RANBP17: variants seen among roughly 807,000 people sequenced by gnomAD.
The protein encoded by RANBP17 is RAN binding protein 17, also known as ran-binding protein 17.
Under a neutral mutation model 141.2 loss-of-function variants are expected in RANBP17, and 158 were observed. The observed-to-expected ratio is 1.12, with a 90% CI of 0.98 to 1.28. RANBP17 has a LOEUF of 1.28. Ranked by LOEUF, RANBP17 falls within the 50% of genes most tolerant of loss-of-function variation. RANBP17 has a pLI of 0.00. For synonymous variants in RANBP17, 430 were observed against 450.0 expected (o/e 0.96, Z 0.56); for missense variants, 1,438 against 1,290.7 (o/e 1.11, Z -1.75).
At chr5:170,889,387 G>C (rs1038528569) in intron 3 of RANBP17, among the ~76,000 whole-genome samples, 1 of 151,984 alleles carries the variant, frequency 6.6e-6, no homozygotes, top group African/African-American at 2.4e-5. Context: ...CTATCTACAA[G>C]TTTGGATTTA....
At chr5:170,867,925 G>A (rs2127309335) in intron 1 of RANBP17, among the ~76,000 whole-genome samples, 1 of 152,068 alleles carries the variant, frequency 6.6e-6, no homozygotes, top group African/African-American at 2.4e-5. Flanking sequence ...CCACTCCTCT[G>A]CTGTCTTCCC....
intron 14 of RANBP17, among the ~76,000 whole-genome samples, chr5:171,132,781 A>AACTCTTTT (rs1423149250): frequency 1.3e-5 from 2 of 152,128 alleles, no homozygotes; most frequent in African/African-American, 2.4e-5. Flanking sequence ...ACAGTTTTTC[A>AACTCTTTT]ACTCTTTTCG....
intron 14 of RANBP17, among the ~76,000 whole-genome samples, chr5:171,071,177 G>T (rs974569487): frequency 6.6e-6 from 1 of 151,980 alleles, no homozygotes; most frequent in Non-Finnish European, 1.5e-5. Flanking sequence ...CTTCTTTTGT[G>T]ATCTTTGCAA....
At chr5:171,239,377 C>G (rs1764727485) in intron 22 of RANBP17, among the ~76,000 whole-genome samples, 1 of 152,108 alleles carries the variant, frequency 6.6e-6, no homozygotes, top group African/African-American at 2.4e-5. Flanking sequence ...AAGTATTGGT[C>G]CTTCTTAACC....
intron 5 of RANBP17, chr5:170,903,588 C>A: frequency 8.2e-6 from 2 of 243,376 alleles, no homozygotes; most frequent in South Asian, 7.4e-5. Context: ...GATTTATGAC[C>A]TCCATTTATC....
At chr5:170,904,078 T>C in intron 5 of RANBP17, 1 of 443,708 alleles carries the variant, frequency 2.3e-6, no homozygotes. Flanking sequence ...CTCACCTGTG[T>C]GCTCATGGTT....
intron 20 of RANBP17, among the ~76,000 whole-genome samples, chr5:171,209,125 G>C (rs567400038): frequency 6.6e-6 from 1 of 152,304 alleles, no homozygotes; most frequent in African/African-American, 2.4e-5. Flanking sequence ...ATCAGGAAGG[G>C]CTCTCTGGAA....
intron 3 of RANBP17, among the ~76,000 whole-genome samples, chr5:170,888,522 C>G (rs1338792433): frequency 6.6e-6 from 1 of 152,046 alleles, no homozygotes; most frequent in African/African-American, 2.4e-5. Context: ...GTTCCAGTTG[C>G]TGGTAAAGCA....
intron 14 of RANBP17, among the ~76,000 whole-genome samples, chr5:171,095,485 T>A (rs1490100226): frequency 6.6e-6 from 1 of 152,114 alleles, no homozygotes; most frequent in Non-Finnish European, 1.5e-5. Flanking sequence ...GGTAAAGAAA[T>A]CAAATAAAAA....
In RANBP17 at chr5:171,006,775, T is replaced by C. The variant is rs867049368; in HGVS notation, c.1710+38398T>C. On this transcript the variant is annotated intron_variant, in intron 14 of 27. Transcript: ENST00000523189. ...AAAAAAAAAGAATAGGTCGGCCTTCTGGCCCCTCTGGGTCTAGGGTGGTAA... is the reference window on the plus strand; with the variant it reads ...AAAAAAAAAGAATAGGTCGGCCTTCCGGCCCCTCTGGGTCTAGGGTGGTAA... 1.3e-5 allele frequency among the ~76,000 whole-genome samples: 2 copies of C among 151,888 alleles called. 1 individual carries two copies. The highest frequency in any genetic ancestry group is 4.2e-4 in the South Asian group (2 of 4,790).
chr5:171,272,724 G>A (rs1476739287), intron 25 of RANBP17, among the ~76,000 whole-genome samples: 1 of 152,142 alleles, frequency 6.6e-6, no homozygotes, highest in East Asian at 1.9e-4. Flanking sequence ...TCCCACTGGG[G>A]CCATCCTTAA....
chr5:171,274,149 T>TGCGCGC lies in RANBP17; in HGVS notation c.2943+8312_2943+8317dup, dbSNP rs1554127520. 4.8e-4 allele frequency among the ~76,000 whole-genome samples: 61 copies of TGCGCGC among 126,788 alleles called. No individual in the cohort carries two copies. The East Asian group carries it at 6.5e-3, about 14-fold the overall frequency. 83.2% of individuals were successfully genotyped at this position (126,788 alleles called of 152,430 possible). On this transcript the variant is annotated intron_variant, in intron 25 of 27. Coordinates refer to ENST00000523189, the MANE Select transcript of RANBP17 (RefSeq NM_022897.5). ...GTGTGTGTGTGTGTGTGTGTGTGTG[T>TGCGCGC]GCGCGCGCGCGCGCGTGCGCAAAAT... is the stretch of plus-strand genomic sequence containing the variant.
At chr5:171,168,983 G>A (rs994617398) in intron 14 of RANBP17, among the ~76,000 whole-genome samples, 3 of 151,980 alleles carry the variant, frequency 2.0e-5, no homozygotes, top group Admixed American at 2.0e-4. Context: ...TCAGCCTGAG[G>A]AGAAGGCTTC....
At chr5:171,028,767 G>C in intron 14 of RANBP17, 1 of 455,840 alleles carries the variant, frequency 2.2e-6, no homozygotes, top group Non-Finnish European at 4.1e-6. Flanking sequence ...AGAGCTAGTA[G>C]CTAATGAAGA....
At chr5:171,228,036 G>A (rs1045493094) in intron 22 of RANBP17, among the ~76,000 whole-genome samples, 3 of 152,200 alleles carry the variant, frequency 2.0e-5, no homozygotes, top group Non-Finnish European at 4.4e-5. Flanking sequence ...TTGTTTTCAT[G>A]TCTGCTAACA....
At chr5:171,022,586 C>T (rs916272717) in intron 14 of RANBP17, among the ~76,000 whole-genome samples, 13 of 152,172 alleles carry the variant, frequency 8.5e-5, no homozygotes, top group Non-Finnish European at 1.2e-4. Context: ...CTGCCACAGC[C>T]GGTGTGTTGG....
chr5:171,185,087 C>T (rs1761143359), intron 18 of RANBP17, among the ~76,000 whole-genome samples: 1 of 152,124 alleles, frequency 6.6e-6, no homozygotes, highest in African/African-American at 2.4e-5. Context: ...TGCTTGAACC[C>T]AGGAGGTAGA....
In RANBP17 at chr5:171,022,819, C is replaced by G. The variant is rs1235983409; in HGVS notation, c.1710+54442C>G. ...CAGCTATGGTGCTGGTTGCCCCTCC[C>G]CCTGGGAGCTTGGTAGGCTTAAGCA... On this transcript the variant is annotated intron_variant, in intron 14 of 27. Transcript: ENST00000523189. 2.6e-5 allele frequency among the ~76,000 whole-genome samples: 4 copies of G among 152,186 alleles called. No homozygotes were observed. The East Asian group carries it at 5.8e-4, about 22-fold the overall frequency.
chr5:171,105,775 T>G (rs1187858038), intron 14 of RANBP17, among the ~76,000 whole-genome samples: 1 of 152,174 alleles, frequency 6.6e-6, no homozygotes, highest in Non-Finnish European at 1.5e-5. Context: ...AAGCCTATAT[T>G]TTTAGAATCA....
Sources: allele counts gnomAD v4.1 joint callset (sites outside exome capture counted in the v4.1 genomes callset), GRCh38; gene constraint gnomAD v4.1.1; transcripts MANE v1.5; gene names NCBI Gene and HGNC (gene_info 2026-07-23, HGNC 2026-07-21).